The following SAMD5 variants were observed in gnomAD, a reference collection of about 807,000 sequenced individuals.
SAMD5 encodes the protein sterile alpha motif domain containing 5.
In SAMD5, 13 loss-of-function variants were observed where a neutral mutation model predicts 11.3. The ratio of observed to expected loss-of-function variants is 1.15; its 90% CI spans 0.75 to 1.83. The LOEUF (loss-of-function observed/expected upper bound fraction) is 1.83. Among genes scored for constraint, SAMD5 ranks in the 40% most tolerant of loss-of-function variants. The pLI, the probability that SAMD5 is intolerant of heterozygous loss-of-function variation, is 0.00. For synonymous variants in SAMD5, 129 were observed against 111.3 expected (o/e 1.16, Z -1.00); for missense variants, 255 against 239.1 (o/e 1.07, Z -0.44).
intron 1 of SAMD5, among the ~76,000 whole-genome samples, chr6:147,719,785 A>G (rs1465255734): frequency 6.6e-6 from 1 of 152,228 alleles, no homozygotes; most frequent in East Asian, 1.9e-4. Context: ...AACCTAAAAA[A>G]TATTGTTTTA....
chr6:147,867,104 A>C, the SAMD5 span, among the ~76,000 whole-genome samples: 1 of 152,108 alleles, frequency 6.6e-6, no homozygotes, highest in African/African-American at 2.4e-5. Context: ...GTGAACTATA[A>C]TTTACAAACA....
chr6:147,550,216 C>T (rs1190998332), intron 1 of SAMD5, among the ~76,000 whole-genome samples: 1 of 152,004 alleles, frequency 6.6e-6, no homozygotes, highest in African/African-American at 2.4e-5. Context: ...AGAGCCGGGG[C>T]AACAGAATGA....
chr6:147,655,970 A>G (rs1402239175), intron 1 of SAMD5, among the ~76,000 whole-genome samples: 2 of 152,224 alleles, frequency 1.3e-5, no homozygotes, highest in African/African-American at 4.8e-5. Flanking sequence ...ATAACACAGC[A>G]ACTGCCTACA....
At chr6:147,532,461 A>G (rs1374887162) in intron 1 of SAMD5, among the ~76,000 whole-genome samples, 1 of 152,212 alleles carries the variant, frequency 6.6e-6, no homozygotes, top group African/African-American at 2.4e-5. Flanking sequence ...GTTGCTGCAA[A>G]AAACATTATT....
intron 1 of SAMD5, among the ~76,000 whole-genome samples, chr6:147,552,771 G>A (rs1469104731): frequency 1.3e-5 from 2 of 152,130 alleles, no homozygotes; most frequent in African/African-American, 4.8e-5. Flanking sequence ...AATTAAAGAG[G>A]TCTTTATGCT....
intron 1 of SAMD5, among the ~76,000 whole-genome samples, chr6:147,662,200 A>G (rs1790658783): frequency 6.6e-6 from 1 of 152,198 alleles, no homozygotes; most frequent in South Asian, 2.1e-4. Context: ...TGAAAGGAGT[A>G]TAGTATTTTT....
At chr6:147,637,311 C>A (rs1790244354) in intron 1 of SAMD5, among the ~76,000 whole-genome samples, 1 of 152,196 alleles carries the variant, frequency 6.6e-6, no homozygotes, top group South Asian at 2.1e-4. Context: ...AAACCTCACA[C>A]TTAATGGAAT....
the SAMD5 span, among the ~76,000 whole-genome samples, chr6:147,864,264 G>A: frequency 6.6e-6 from 1 of 152,172 alleles, no homozygotes; most frequent in Non-Finnish European, 1.5e-5. Flanking sequence ...GGCTAAAAAT[G>A]TCGGTTTCAC....
chr6:147,538,554 G>A (rs904272936), intron 1 of SAMD5, among the ~76,000 whole-genome samples: 7 of 152,122 alleles, frequency 4.6e-5, no homozygotes, highest in Non-Finnish European at 8.8e-5. Flanking sequence ...ACTATATACC[G>A]GGGTGGATCC....
intron 1 of SAMD5, among the ~76,000 whole-genome samples, chr6:147,722,014 A>C (rs1396923725): frequency 2.0e-5 from 3 of 152,206 alleles, no homozygotes; most frequent in African/African-American, 7.2e-5. Flanking sequence ...AAAAGAAAGA[A>C]AAAAATATGC....
chr6:147,693,524 T>C (rs1451481880), intron 1 of SAMD5, among the ~76,000 whole-genome samples: 1 of 152,238 alleles, frequency 6.6e-6, no homozygotes, highest in Non-Finnish European at 1.5e-5. Context: ...AACCTAGCCT[T>C]GATAAATAAT....
In SAMD5 at chr6:147,734,711, TAAAAAAAAAAAA is replaced by T. The variant is rs61482319; in HGVS notation, c.163-2586_163-2575del. 2.4e-3 allele frequency among the ~76,000 whole-genome samples: 62 copies of T among 26,104 alleles called. 1 individual carries two copies. Among genetic ancestry groups the T allele is most frequent in the African/African-American group, 3.3e-3 (35 of 10,700 alleles). The allele number at this position is 26,104 out of a possible 152,430, so 17.1% of individuals were successfully genotyped here. ...CTGGGCGGCAGAGCGAGACTCCATC[TAAAAAAAAAAAA>T]AAAAAAAAAAAAAAAAAAAGATTTA... On this transcript the variant is annotated intron_variant, in intron 1 of 1. Transcript: ENST00000566741.
chr6:147,806,899 A>T, the SAMD5 span, among the ~76,000 whole-genome samples: 1 of 152,092 alleles, frequency 6.6e-6, no homozygotes, highest in African/African-American at 2.4e-5. Flanking sequence ...CTTGTAAGAG[A>T]CATCAAAGCA....
intron 1 of SAMD5, among the ~76,000 whole-genome samples, chr6:147,688,530 A>T (rs1791050681): frequency 6.6e-6 from 1 of 152,220 alleles, no homozygotes; most frequent in African/African-American, 2.4e-5. Flanking sequence ...TTTCTAGTTC[A>T]TTCTTAGTTT....
the SAMD5 span, among the ~76,000 whole-genome samples, chr6:147,766,007 A>G: frequency 1.3e-5 from 2 of 152,038 alleles, no homozygotes; most frequent in African/African-American, 4.8e-5. Flanking sequence ...AATATATACA[A>G]ATATTTGAGG....
At chr6:147,816,646 C>A in the SAMD5 span, among the ~76,000 whole-genome samples, 2 of 151,858 alleles carry the variant, frequency 1.3e-5, no homozygotes, top group African/African-American at 2.4e-5. Context: ...TACAATGAAG[C>A]TGCATTCATT....
At chr6:147,870,947 T>G in the SAMD5 span, among the ~76,000 whole-genome samples, 2 of 152,132 alleles carry the variant, frequency 1.3e-5, no homozygotes, top group African/African-American at 4.8e-5. Flanking sequence ...TCCACATTTG[T>G]AAAACAGGGA....
rs1583133162 is a variant in SAMD5, at chr6:147,671,089, A to G, written c.163-66228A>G. Among the ~76,000 whole-genome samples the G allele has an allele frequency of 3.3e-5, 5 of 152,326 alleles. 1 individual carries two copies. The South Asian group carries it at 1.0e-3, about 32-fold the overall frequency. On this transcript the variant is annotated intron_variant, in intron 1 of 1. Coordinates refer to the SAMD5 transcript ENST00000566741. ...TTTCAATGTTGTGTCTCAGTGAAAT[A>G]GAGAGGCTTAAGAAGGGCAAGAGGG...
intron 1 of SAMD5, among the ~76,000 whole-genome samples, chr6:147,533,648 C>T (rs992596787): frequency 6.6e-6 from 1 of 151,816 alleles, no homozygotes; most frequent in Non-Finnish European, 1.5e-5. Flanking sequence ...GGATGTGTGT[C>T]TCCCCTCTCC....
Sources: gnomAD v4.1 joint callset for allele counts (sites outside exome capture counted in the v4.1 genomes callset) on GRCh38, gnomAD v4.1.1 for gene constraint, MANE v1.5 for transcripts, NCBI Gene and HGNC (gene_info 2026-07-23, HGNC 2026-07-21) for gene names.